UBTD2: variants seen among roughly 807,000 people sequenced by gnomAD.
UBTD2 encodes the protein ubiquitin domain containing 2, also known as ubiquitin domain-containing protein 2.
Under a neutral mutation model 19.8 loss-of-function variants are expected in UBTD2, and 9 were observed. The ratio of observed to expected loss-of-function variants is 0.46; its 90% CI spans 0.27 to 0.79. The LOEUF (loss-of-function observed/expected upper bound fraction) is 0.79. UBTD2 is among the 30% of genes least tolerant of loss of function. The pLI, the probability that UBTD2 is intolerant of heterozygous loss-of-function variation, is 0.14. For synonymous variants in UBTD2, 98 were observed against 103.9 expected (o/e 0.94, Z 0.35); for missense variants, 250 against 300.4 (o/e 0.83, Z 1.24).
intron 1 of UBTD2, among the ~76,000 whole-genome samples, chr5:172,259,300 G>A (rs1053418657): frequency 6.6e-6 from 1 of 151,846 alleles, no homozygotes; most frequent in Non-Finnish European, 1.5e-5. Flanking sequence ...CCACCACCAC[G>A]CCTGGCTAAT....
intron 1 of UBTD2, among the ~76,000 whole-genome samples, chr5:172,271,022 G>A (rs1755477824): frequency 6.6e-6 from 1 of 151,962 alleles, no homozygotes; most frequent in South Asian, 2.1e-4. Flanking sequence ...TCCTCTACAA[G>A]CTTCTTAGCA....
At chr5:172,252,864 AT>A (rs1334238192) in intron 1 of UBTD2, among the ~76,000 whole-genome samples, 2 of 152,184 alleles carry the variant, frequency 1.3e-5, no homozygotes, top group African/African-American at 4.8e-5. Context: ...CTTGTGCAAG[AT>A]TTTGCTACGA....
At chr5:172,236,093 T>C (rs979085583) in intron 1 of UBTD2, among the ~76,000 whole-genome samples, 1 of 152,190 alleles carries the variant, frequency 6.6e-6, no homozygotes, top group African/African-American at 2.4e-5. Context: ...CTGGGCTATC[T>C]CTACTCTCCA....
intron 1 of UBTD2, among the ~76,000 whole-genome samples, chr5:172,263,132 T>C (rs886396793): frequency 2.0e-5 from 3 of 152,064 alleles, no homozygotes; most frequent in African/African-American, 7.2e-5. Context: ...GGTTTCGCCA[T>C]GTTGCCCAGG....
At chr5:172,244,017 T>C (rs1159047956) in intron 1 of UBTD2, among the ~76,000 whole-genome samples, 1 of 152,034 alleles carries the variant, frequency 6.6e-6, no homozygotes, top group Non-Finnish European at 1.5e-5. Context: ...ATCTTGGGTT[T>C]CAGCATGAAG....
chr5:172,213,926 A>G (rs889646487), intron 2 of UBTD2, among the ~76,000 whole-genome samples: 1 of 152,196 alleles, frequency 6.6e-6, no homozygotes, highest in African/African-American at 2.4e-5. Flanking sequence ...AGCAGGGATT[A>G]CAGGCATGCG....
chr5:172,251,550 T>C (rs1327014211), intron 1 of UBTD2, among the ~76,000 whole-genome samples: 1 of 149,766 alleles, frequency 6.7e-6, no homozygotes, highest in Non-Finnish European at 1.5e-5. Flanking sequence ...TATAAGGGAC[T>C]TCCAATATGG....
chr5:172,272,253 G>A (rs1755505113), intron 1 of UBTD2, among the ~76,000 whole-genome samples: 8 of 152,202 alleles, frequency 5.3e-5, no homozygotes, highest in Admixed American at 5.2e-4. Context: ...CAAAGTAGCT[G>A]ATGCAAGACA....
intron 1 of UBTD2, among the ~76,000 whole-genome samples, chr5:172,257,465 T>C (rs1465212722): frequency 2.0e-5 from 3 of 152,246 alleles, no homozygotes; most frequent in Non-Finnish European, 2.9e-5. Flanking sequence ...TGAGTCTTCA[T>C]GGCAGAACAA....
At chr5:172,269,252 G>A (rs1240782552) in intron 1 of UBTD2, among the ~76,000 whole-genome samples, 1 of 152,030 alleles carries the variant, frequency 6.6e-6, no homozygotes, top group Non-Finnish European at 1.5e-5. Context: ...CACTTCGGGA[G>A]GCCAAGGCAG....
At chr5:172,230,476 A>C (rs1435693224) in intron 2 of UBTD2, among the ~76,000 whole-genome samples, 1 of 152,192 alleles carries the variant, frequency 6.6e-6, no homozygotes, top group Non-Finnish European at 1.5e-5. Flanking sequence ...GATACCGAGC[A>C]CTCTGATCAG....
intron 1 of UBTD2, among the ~76,000 whole-genome samples, chr5:172,243,919 C>T (rs1772184230): frequency 6.6e-6 from 1 of 152,014 alleles, no homozygotes. Flanking sequence ...AAACCGTGCA[C>T]TATTTTTCAA....
intron 1 of UBTD2, among the ~76,000 whole-genome samples, chr5:172,278,598 A>G (rs1755652686): frequency 6.6e-6 from 1 of 152,160 alleles, no homozygotes; most frequent in South Asian, 2.1e-4. Context: ...AATACATGCT[A>G]CAACAGGATG....
chr5:172,261,661 G>C (rs2113098438), intron 1 of UBTD2, among the ~76,000 whole-genome samples: 1 of 151,722 alleles, frequency 6.6e-6, no homozygotes, highest in South Asian at 2.1e-4. Flanking sequence ...GTCTCACTCT[G>C]TTGCCCAGGC....
At chr5:172,259,448 G>A (rs894564065) in intron 1 of UBTD2, among the ~76,000 whole-genome samples, 1 of 151,826 alleles carries the variant, frequency 6.6e-6, no homozygotes, top group Non-Finnish European at 1.5e-5. Context: ...GCCCTGTTGA[G>A]GGTTTTAAAA....
At chr5:172,261,611 A>G (rs548425908) in intron 1 of UBTD2, among the ~76,000 whole-genome samples, 1 of 152,220 alleles carries the variant, frequency 6.6e-6, no homozygotes, top group South Asian at 2.1e-4. Flanking sequence ...ACTGTCATGA[A>G]GGAAACCACT....
Position 172,223,145 on chromosome 5 carries a change from T to C in UBTD2, c.308-10918A>G, listed in dbSNP as rs139837354. 2.8e-3 allele frequency among the ~76,000 whole-genome samples: 423 copies of C among 152,048 alleles called. 3 individuals are homozygous for C. Among genetic ancestry groups the C allele is most frequent in the African/African-American group, 9.2e-3 (381 of 41,424 alleles). ...TGGAAACTAGAATGACAGAAAAAAATAGATAATTTAGGGTTACAAGATTCT... is the reference window on the plus strand; with the variant it reads ...TGGAAACTAGAATGACAGAAAAAAACAGATAATTTAGGGTTACAAGATTCT... On this transcript the variant is annotated intron_variant, in intron 2 of 2. Transcript: ENST00000393792.
intron 1 of UBTD2, among the ~76,000 whole-genome samples, chr5:172,280,936 A>G (rs1240515766): frequency 2.0e-5 from 3 of 152,242 alleles, no homozygotes; most frequent in African/African-American, 7.2e-5. Context: ...AGAGGGAAAA[A>G]GGAAAGTATA....
At chr5:172,269,839 A>C (rs1755449225) in intron 1 of UBTD2, among the ~76,000 whole-genome samples, 1 of 149,438 alleles carries the variant, frequency 6.7e-6, no homozygotes, top group African/African-American at 2.5e-5. Flanking sequence ...GCACTTTGGG[A>C]GGCCGAGGCA....
Sources: gnomAD v4.1 joint callset for allele counts (sites outside exome capture counted in the v4.1 genomes callset) on GRCh38, gnomAD v4.1.1 for gene constraint, MANE v1.5 for transcripts, NCBI Gene and HGNC (gene_info 2026-07-23, HGNC 2026-07-21) for gene names.